The following LGSN variants were observed in gnomAD, a reference collection of about 807,000 sequenced individuals.
The protein encoded by LGSN is lengsin.
A neutral mutation model predicts 19.5 loss-of-function variants in LGSN; 21 were observed. The ratio of observed to expected loss-of-function variants is 1.07; its 90% CI spans 0.76 to 1.55. LGSN has a LOEUF of 1.55. Ranked by LOEUF, LGSN falls within the 40% of genes most tolerant of loss-of-function variation. The pLI, the probability that LGSN is intolerant of heterozygous loss-of-function variation, is 0.00. For synonymous variants in LGSN, 257 were observed against 215.6 expected (o/e 1.19, Z -1.68); for missense variants, 673 against 608.5 (o/e 1.11, Z -1.12).
At chr6:63,561,745 G>T in the LGSN span, among the ~76,000 whole-genome samples, 2,701 of 152,262 alleles carry the variant, frequency 0.018, 33 homozygotes, top group South Asian at 0.038. Context: ...CTTCTCACTG[G>T]TTGGGCATTA....
intron 2 of LGSN, among the ~76,000 whole-genome samples, chr6:63,294,524 T>C (rs1033450548): frequency 6.6e-6 from 1 of 152,130 alleles, no homozygotes; most frequent in African/African-American, 2.4e-5. Context: ...TGTTGAAATC[T>C]AGTTGGAGTT....
the LGSN span, among the ~76,000 whole-genome samples, chr6:63,487,186 T>G: frequency 6.6e-6 from 1 of 151,922 alleles, no homozygotes; most frequent in Non-Finnish European, 1.5e-5. Context: ...CCCAGATTGG[T>G]CTCGAACTCC....
At chr6:63,421,871 G>GA in the LGSN span, among the ~76,000 whole-genome samples, 1 of 152,062 alleles carries the variant, frequency 6.6e-6, no homozygotes, top group African/African-American at 2.4e-5. Flanking sequence ...TGGAGGGAAA[G>GA]AAAAAAGAGG....
the LGSN span, among the ~76,000 whole-genome samples, chr6:63,329,968 G>A: frequency 0.12 from 18,367 of 152,166 alleles, 1,543 homozygotes; most frequent in Admixed American, 0.25. Flanking sequence ...CCGCGCTAGT[G>A]TCCAGGAGGA....
the LGSN span, among the ~76,000 whole-genome samples, chr6:63,399,632 A>G: frequency 6.6e-6 from 1 of 151,374 alleles, no homozygotes; most frequent in Non-Finnish European, 1.5e-5. Context: ...CTGACCTCAG[A>G]TGATCCACCC....
chr6:63,523,521 A>C, the LGSN span, among the ~76,000 whole-genome samples: 1 of 152,118 alleles, frequency 6.6e-6, no homozygotes, highest in Non-Finnish European at 1.5e-5. Context: ...AAAAATAAAT[A>C]AATAAATAAA....
At chr6:63,564,286 A>G in the LGSN span, among the ~76,000 whole-genome samples, 1 of 152,114 alleles carries the variant, frequency 6.6e-6, no homozygotes, top group Non-Finnish European at 1.5e-5. Context: ...AAAAAAAAAA[A>G]AAAAGAGAGA....
chr6:63,305,099 C>T (rs78338855), intron 1 of LGSN, among the ~76,000 whole-genome samples: 3,853 of 152,222 alleles, frequency 0.025, 165 homozygotes, highest in African/African-American at 0.088. Context: ...ACAACATAAT[C>T]ACAGTGAAAC....
At chr6:63,499,081 T>TA in the LGSN span, among the ~76,000 whole-genome samples, 1 of 152,198 alleles carries the variant, frequency 6.6e-6, no homozygotes, top group Non-Finnish European at 1.5e-5. Context: ...GCTTTGTGTA[T>TA]ACATTGTTTA....
At chr6:63,297,211 G>A (rs566326028) in intron 1 of LGSN, among the ~76,000 whole-genome samples, 39 of 152,006 alleles carry the variant, frequency 2.6e-4, no homozygotes, top group African/African-American at 8.9e-4. Context: ...GTGGTTGCAC[G>A]TGCCTGTAAT....
chr6:63,429,503 A>G, the LGSN span, among the ~76,000 whole-genome samples: 2,272 of 152,256 alleles, frequency 0.015, 47 homozygotes, highest in African/African-American at 0.052. Context: ...TGGGAGGCTG[A>G]GGCAGGCAAA....
chr6:63,536,088 T>C, the LGSN span, among the ~76,000 whole-genome samples: 1 of 150,134 alleles, frequency 6.7e-6, no homozygotes, highest in Non-Finnish European at 1.5e-5. Context: ...TCCCAGCACT[T>C]TGGGAGGCCG....
At chr6:63,514,527 C>T in the LGSN span, among the ~76,000 whole-genome samples, 4 of 152,128 alleles carry the variant, frequency 2.6e-5, no homozygotes, top group African/African-American at 4.8e-5. Flanking sequence ...GCACCCAGCC[C>T]TCTTTGACGT....
At chr6:63,395,621 G>A in the LGSN span, 3 of 153,416 alleles carry the variant, frequency 2.0e-5, no homozygotes, top group Non-Finnish European at 4.3e-5. Context: ...GGTTGCTGGT[G>A]GGTGATGGAA....
At chr6:63,509,343 G>A in the LGSN span, among the ~76,000 whole-genome samples, 1 of 151,812 alleles carries the variant, frequency 6.6e-6, no homozygotes, top group Non-Finnish European at 1.5e-5. Context: ...AGGATTACAG[G>A]CATGAGCCAC....
chr6:63,342,212 C>T, the LGSN span, among the ~76,000 whole-genome samples: 1 of 152,184 alleles, frequency 6.6e-6, no homozygotes, highest in Non-Finnish European at 1.5e-5. Context: ...TCCCTGATGA[C>T]TCTGCAAGCT....
chr6:63,566,262 A>C, the LGSN span, among the ~76,000 whole-genome samples: 9 of 152,222 alleles, frequency 5.9e-5, no homozygotes, highest in Non-Finnish European at 8.8e-5. Context: ...TTATTAAAGG[A>C]ACTTGCAGGG....
At chr6:63,282,907 T>C (rs1349938619) in intron 3 of LGSN, among the ~76,000 whole-genome samples, 1 of 152,168 alleles carries the variant, frequency 6.6e-6, no homozygotes, top group Non-Finnish European at 1.5e-5. Flanking sequence ...TGCTTGTCAG[T>C]TTTTTAGTTT....
In LGSN at chr6:63,277,100, A is replaced by G. The variant is rs566031174; in HGVS notation, c.*2921T>C. The stretch of plus-strand genomic sequence containing the variant: ...CGACTGTACACTTAATACTGAAGAT[A>G]ATATTCCTAGTTATATAATTCCTTC... On this transcript the variant is annotated 3_prime_UTR_variant, in exon 4 of 4. Coordinates refer to ENST00000370657, the MANE Select transcript of LGSN (RefSeq NM_016571.3). 7.2e-5 allele frequency: 11 copies of G among 152,218 alleles called. No individual in the cohort carries two copies. The highest frequency in any genetic ancestry group is 1.9e-4 in the East Asian group (1 of 5,192). The allele number at this position is 152,218 out of a possible 1,614,324, so 9.4% of individuals were successfully genotyped here. A position where few individuals can be genotyped will look rare whatever the true frequency, so the allele number is the denominator to read the frequency against.
Sources: gnomAD v4.1 joint callset for allele counts (sites outside exome capture counted in the v4.1 genomes callset) on GRCh38, gnomAD v4.1.1 for gene constraint, MANE v1.5 for transcripts, NCBI Gene and HGNC (gene_info 2026-07-23, HGNC 2026-07-21) for gene names.